The following CSDC2 variants were observed in gnomAD, a reference collection of about 807,000 sequenced individuals.
The protein encoded by CSDC2 is cold shock domain-containing protein C2.
In CSDC2, 8 loss-of-function variants were observed where a neutral mutation model predicts 15.8. The observed-to-expected ratio is 0.51, with a 90% CI of 0.30 to 0.92. The LOEUF (loss-of-function observed/expected upper bound fraction) is 0.92. Among genes scored for constraint, CSDC2 ranks in the 40% least tolerant of loss-of-function variants. The pLI, the probability that CSDC2 is intolerant of heterozygous loss-of-function variation, is 0.07. For synonymous variants in CSDC2, 96 were observed against 92.3 expected, an observed-to-expected ratio of 1.04 and a Z score of -0.23; for missense variants, 195 against 213.3, an observed-to-expected ratio of 0.91 and a Z score of 0.53.
chr22:41,569,225 T>C, intron 1 of CSDC2, among the ~76,000 whole-genome samples: 1 of 152,260 alleles, frequency 6.6e-6, no homozygotes, highest in East Asian at 1.9e-4. Context: ...AGCTGTGTCA[T>C]CTTGGGTAAC....
chr22:41,572,285 C>A, intron 2 of CSDC2, 144 bp downstream of exon 2: 1 of 609,540 alleles, frequency 1.6e-6, no homozygotes, highest in Non-Finnish European at 2.4e-6. Flanking sequence ...ATGTTTGTCC[C>A]ATACATCCAT....
At chr22:41,570,215 G>A (rs2067138309) in intron 1 of CSDC2, among the ~76,000 whole-genome samples, 1 of 152,330 alleles carries the variant, frequency 6.6e-6, no homozygotes, top group East Asian at 1.9e-4. Context: ...GCCTTTTCAG[G>A]GTTGAGGGTC....
At chr22:41,572,249 G>A (rs1283252436) in intron 2 of CSDC2, 108 bp downstream of exon 2, 3 of 944,522 alleles carry the variant, frequency 3.2e-6, no homozygotes, top group African/African-American at 3.4e-5. Flanking sequence ...GGGGAACTGT[G>A]TGTGGACCTT....
rs1158101797 is a variant in CSDC2 at position 41,572,011 on chromosome 22, TC to T, written c.51del (p.Lys18SerfsTer96). The T allele has an allele frequency of 7.5e-7, 1 of 1,339,894 alleles. No homozygotes were observed. The highest frequency in any genetic ancestry group is 9.6e-7 in the Non-Finnish European group (1 of 1,042,228). The allele number at this position is 1,339,894 out of a possible 1,614,324, so 83.0% of individuals were successfully genotyped here. A position where few individuals can be genotyped will look rare whatever the true frequency, so the allele number is the denominator to read the frequency against. Reference protein sequence around the residue: ...TSPPVVPPLHSPKSPVWPTFP... With the variant: ...TSPPVVPPLHXPKSPVWPTFP... The stretch of plus-strand genomic sequence containing the variant: ...ACCCCCAGTTGTGCCCCCGCTCCAC[TC>T]CCCCAAGTCCCCAGTCTGGCCCACC... On this transcript the variant is annotated frameshift_variant, in exon 2 of 4. Transcript: ENST00000306149. LOFTEE classifies it high-confidence loss of function.
intron 1 of CSDC2, among the ~76,000 whole-genome samples, chr22:41,567,906 G>A (rs1484771152): frequency 1.3e-5 from 2 of 152,208 alleles, no homozygotes; most frequent in Non-Finnish European, 2.9e-5. Flanking sequence ...GATCCTTAGG[G>A]AAGAAGAGAG....
chr22:41,569,916 A>G (rs1405983532), intron 1 of CSDC2, among the ~76,000 whole-genome samples: 1 of 151,062 alleles, frequency 6.6e-6, no homozygotes, highest in Non-Finnish European at 1.5e-5. Flanking sequence ...AGTAGCTGGG[A>G]CTACAGGTGG....
In CSDC2 at chr22:41,564,628, T is replaced by A. The variant is rs182477464; in HGVS notation, c.-124+3445T>A. 5.9e-5 allele frequency among the ~76,000 whole-genome samples: 9 copies of A among 152,336 alleles called. No homozygotes were observed. The East Asian group carries it at 1.7e-3, about 29-fold the overall frequency. On this transcript the variant is annotated intron_variant, in intron 1 of 3. Transcript: ENST00000306149. ...ACTGGGGTGCTCTAAGGACAGCTGT[T>A]GCCCCACGTTTGTTGTTCTGGTGCC...
At chr22:41,569,823 A>G (rs934102483) in intron 1 of CSDC2, among the ~76,000 whole-genome samples, 3 of 116,674 alleles carry the variant, frequency 2.6e-5, no homozygotes, top group Non-Finnish European at 5.0e-5. Context: ...TCAGTCACCC[A>G]CCCTGGAGTG....
At chr22:41,563,382 C>T (rs894465750) in intron 1 of CSDC2, among the ~76,000 whole-genome samples, 22 of 152,172 alleles carry the variant, frequency 1.4e-4, no homozygotes, top group Admixed American at 1.2e-3. Context: ...TCCCGATGTT[C>T]GGGAAGCCCT....
Position 41,573,716 on chromosome 22 carries a change from C to T in CSDC2, c.238C>T (p.Gln80Ter). 1 of 1,613,936 alleles carries T rather than the reference C, an allele frequency of 6.2e-7. No individual in the cohort carries two copies. The highest frequency in any genetic ancestry group is 8.5e-7 in the Non-Finnish European group (1 of 1,179,974). Residue 80 changes from glutamine to a stop codon, truncating the protein, a stop_gained, in exon 3 of 4, where the codon CAG becomes TAG. Transcript: ENST00000306149. LOFTEE classifies it high-confidence loss of function. Reference protein sequence around the residue: ...KGVCKQFSRSQGHGFITPENG... With the variant: ...KGVCKQFSRS ...CGTCTGTAAGCAGTTCTCACGCTCACAGGGCCATGGCTTCATCACCCCCGA... is the reference window on the plus strand; with the variant it reads ...CGTCTGTAAGCAGTTCTCACGCTCATAGGGCCATGGCTTCATCACCCCCGA...
chr22:41,573,672 C>T lies in CSDC2; in HGVS notation c.194C>T (p.Ala65Val). 1 of 1,613,394 alleles carries T rather than the reference C, an allele frequency of 6.2e-7. No individual in the cohort carries two copies. Among genetic ancestry groups the T allele is most frequent in the Non-Finnish European group, 8.5e-7 (1 of 1,179,654 alleles). The change falls in exon 3 of 4, where the codon GCT becomes GTT. Residue 65 changes from alanine to valine, a missense_variant. Ala to Val is a moderately conservative substitution (Grantham distance 64). Coordinates refer to ENST00000306149, the MANE Select transcript of CSDC2 (RefSeq NM_014460.4). ...ATCTCCAGGACAGCCCGGGCCTCAG[C>T]TGGCCCCGTGTTCAAGGGCGTCTGT... ...RTYSATARASAGPVFKGVCKQ... is the reference protein window; with the variant it reads ...RTYSATARASVGPVFKGVCKQ...
chr22:41,564,346 G>A (rs1301008710), intron 1 of CSDC2, among the ~76,000 whole-genome samples: 4 of 151,932 alleles, frequency 2.6e-5, no homozygotes, highest in South Asian at 2.1e-4. Context: ...TGCAAGCTCC[G>A]TCTCCCGGGT....
chr22:41,567,689 C>CTCCT (rs1364298691), intron 1 of CSDC2, among the ~76,000 whole-genome samples: 1 of 152,250 alleles, frequency 6.6e-6, no homozygotes, highest in East Asian at 1.9e-4. Context: ...GGACACAGGA[C>CTCCT]TCCTGCCTTC....
chr22:41,576,232 T>C lies in CSDC2; in HGVS notation c.*1337T>C, dbSNP rs1289411400. On this transcript the variant is annotated 3_prime_UTR_variant, in exon 4 of 4. Coordinates refer to ENST00000306149, the MANE Select transcript of CSDC2 (RefSeq NM_014460.4). ...CTGTCTAGGAGGATCCCTTGCCTTG[T>C]AGGTGCCCCAAGACCGCAGGGTAGA... 1 of 152,172 alleles carries C rather than the reference T, an allele frequency of 6.6e-6. No homozygotes were observed. The highest frequency in any genetic ancestry group is 1.5e-5 in the Non-Finnish European group (1 of 68,052). 9.4% of individuals were successfully genotyped at this position (152,172 alleles called of 1,614,324 possible). A position where few individuals can be genotyped will look rare whatever the true frequency, so the allele number is the denominator to read the frequency against.
In CSDC2 at chr22:41,571,986, A is replaced by C. The variant is rs2067147403; in HGVS notation, c.21A>C (p.Ser7=). The change falls in exon 2 of 4, where the codon TCA becomes TCC. Residue 7 remains serine, a synonymous_variant. Transcript: ENST00000306149. The part of the protein sequence containing the change: MTSEST[S]PPVVPPLHSP... ...CCACCATGACTTCAGAGTCGACGTC[A>C]CCCCCAGTTGTGCCCCCGCTCCACT... is the stretch of plus-strand genomic sequence containing the variant. 7.4e-7 allele frequency: 1 copy of C among 1,353,954 alleles called. No homozygotes were observed. The highest frequency in any genetic ancestry group is 9.5e-7 in the Non-Finnish European group (1 of 1,051,288). The allele number at this position is 1,353,954 out of a possible 1,614,324, so 83.9% of individuals were successfully genotyped here.
At chr22:41,566,028 G>A (rs2067111951) in intron 1 of CSDC2, among the ~76,000 whole-genome samples, 1 of 152,098 alleles carries the variant, frequency 6.6e-6, no homozygotes, top group African/African-American at 2.4e-5. Flanking sequence ...GAGTTGGCCG[G>A]GCGCAGTGGC....
At position 41,565,297 on chromosome 22, in the gene CSDC2, A is replaced by G. The variant is rs1601991435; in HGVS notation, c.-124+4114A>G. ...AAACCCCATCTCTACTAAAAATACA[A>G]AAATTAATCGGGTGTGGTGGTGCAC... On this transcript the variant is annotated intron_variant, in intron 1 of 3. Coordinates refer to ENST00000306149, the MANE Select transcript of CSDC2 (RefSeq NM_014460.4). Among the ~76,000 whole-genome samples, 3 of 151,202 alleles carry G rather than the reference A, an allele frequency of 2.0e-5. 1 individual carries two copies. The East Asian group carries it at 5.8e-4, about 29-fold the overall frequency.
chr22:41,565,905 G>T (rs2067111273), intron 1 of CSDC2, among the ~76,000 whole-genome samples: 1 of 152,226 alleles, frequency 6.6e-6, no homozygotes, highest in South Asian at 2.1e-4. Context: ...ACAGGGGGAT[G>T]CACACTCGCC....
At chr22:41,562,592 G>A (rs2067092926) in intron 1 of CSDC2, among the ~76,000 whole-genome samples, 1 of 152,088 alleles carries the variant, frequency 6.6e-6, no homozygotes, top group African/African-American at 2.4e-5. Context: ...CTGGTGGGGA[G>A]GGGACACCTG....
Sources: gnomAD v4.1 joint callset for allele counts (sites outside exome capture counted in the v4.1 genomes callset) on GRCh38, gnomAD v4.1.1 for gene constraint, MANE v1.5 for transcripts, NCBI Gene and HGNC (gene_info 2026-07-23, HGNC 2026-07-21) for gene names.